TMCC3: variants seen among roughly 807,000 people sequenced by gnomAD.
TMCC3 encodes the protein transmembrane and coiled-coil domain protein 3.
In TMCC3, 28 loss-of-function variants were observed where a neutral mutation model predicts 40.2. The ratio of observed to expected loss-of-function variants is 0.70; its 90% confidence interval spans 0.52 to 0.95. TMCC3 has a LOEUF of 0.95. TMCC3 is among the 40% of genes least tolerant of loss of function. The pLI, the probability that TMCC3 is intolerant of heterozygous loss-of-function variation, is 0.00. For synonymous variants in TMCC3, 255 were observed against 248.5 expected (o/e 1.03, Z -0.25); for missense variants, 554 against 615.2 (o/e 0.90, Z 1.05).
chr12:94,622,852 G>T (rs1459904277), intron 1 of TMCC3, among the ~76,000 whole-genome samples: 1 of 151,582 alleles, frequency 6.6e-6, no homozygotes, highest in African/African-American at 2.4e-5. Flanking sequence ...AGGCAAAGAG[G>T]CTCCAAAAAA....
intron 1 of TMCC3, among the ~76,000 whole-genome samples, chr12:94,629,030 T>A (rs1005975434): frequency 1.3e-5 from 2 of 152,194 alleles, no homozygotes; most frequent in East Asian, 3.8e-4. Flanking sequence ...CAATTAACAT[T>A]CCTGTTCCTC....
intron 1 of TMCC3, among the ~76,000 whole-genome samples, chr12:94,634,009 G>A (rs1290907): frequency 0.44 from 65,939 of 150,360 alleles, 15,042 homozygotes; most frequent in Non-Finnish European, 0.51. Context: ...ACAATGGTGT[G>A]ACCTCAGCTC....
At chr12:94,622,599 G>C (rs1301690679) in intron 1 of TMCC3, among the ~76,000 whole-genome samples, 4 of 152,118 alleles carry the variant, frequency 2.6e-5, no homozygotes, top group Admixed American at 6.6e-5. Context: ...TGTCGACTCA[G>C]GAAACCTTTC....
chr12:94,617,041 A>C (rs998746496), intron 1 of TMCC3, among the ~76,000 whole-genome samples: 1 of 152,188 alleles, frequency 6.6e-6, no homozygotes, highest in Non-Finnish European at 1.5e-5. Flanking sequence ...TGAGAGGTCT[A>C]TGAAGGAGGT....
chr12:94,582,298 G>A lies in TMCC3; in HGVS notation c.319C>T (p.Gln107Ter). ...AAGACTTGCTTGATACGTCCCGCCT[G>A]CTGCTTGTCTGCGTTGTTCACTAGT... The part of the protein sequence containing the change: ...LKLVNNADKQ[Q>*]AGRIKQVFEK... The change falls in exon 2 of 4, where the codon CAG (glutamine) becomes TAG (stop). Residue 107 changes from glutamine (Q) to a stop codon, truncating the protein, a stop_gained. Transcript: ENST00000261226. LOFTEE classifies it high-confidence loss of function. 1 of 1,614,012 alleles carries A rather than the reference G, an allele frequency of 6.2e-7. No individual in the cohort carries two copies. Among genetic ancestry groups the A allele is most frequent in the Non-Finnish European group, 8.5e-7 (1 of 1,180,006 alleles).
At chr12:94,608,222 A>T (rs2068794840) in intron 1 of TMCC3, among the ~76,000 whole-genome samples, 2 of 152,246 alleles carry the variant, frequency 1.3e-5, no homozygotes, top group South Asian at 4.1e-4. Context: ...GACAAGCGTA[A>T]TTAGACAAGA....
chr12:94,606,805 G>A (rs2068786334), intron 1 of TMCC3, among the ~76,000 whole-genome samples: 2 of 152,114 alleles, frequency 1.3e-5, no homozygotes, highest in Non-Finnish European at 2.9e-5. Context: ...ATGCTTCAAA[G>A]GGCAATAAAG....
At chr12:94,594,818 G>C (rs1192214067) in intron 1 of TMCC3, among the ~76,000 whole-genome samples, 5 of 152,090 alleles carry the variant, frequency 3.3e-5, no homozygotes, top group Non-Finnish European at 1.5e-5. Context: ...AAACACACAG[G>C]GTGGGCCTTC....
Position 94,572,328 on chromosome 12 carries a change from TG to T in TMCC3, c.1132-592del, listed in dbSNP as rs762277471. ...CATCTTTTTTTTTTTTTTTTTTTTTTGAGACAGAGTTTCACTCTGTCACCCA... is the reference window on the plus strand; with the variant it reads ...CATCTTTTTTTTTTTTTTTTTTTTTTAGACAGAGTTTCACTCTGTCACCCA... On this transcript the variant is annotated intron_variant, in intron 3 of 3. Transcript: ENST00000261226. 8.7e-4 allele frequency among the ~76,000 whole-genome samples: 91 copies of T among 104,108 alleles called. 1 individual carries two copies. The highest frequency in any genetic ancestry group is 2.5e-3 in the African/African-American group (64 of 25,752). The allele number at this position is 104,108 out of a possible 152,430, so 68.3% of individuals were successfully genotyped here. A position where few individuals can be genotyped will look rare whatever the true frequency, so the allele number is the denominator to read the frequency against.
At chr12:94,642,152 T>G (rs2068994353) in intron 1 of TMCC3, among the ~76,000 whole-genome samples, 1 of 152,126 alleles carries the variant, frequency 6.6e-6, no homozygotes, top group African/African-American at 2.4e-5. Flanking sequence ...CCCTATAACT[T>G]AGCAATTAAT....
intron 1 of TMCC3, among the ~76,000 whole-genome samples, chr12:94,635,311 T>C (rs562321858): frequency 2.5e-4 from 38 of 152,296 alleles, no homozygotes; most frequent in African/African-American, 8.2e-4. Flanking sequence ...GCAGAAGCAG[T>C]AGTCCTGTGA....
intron 1 of TMCC3, among the ~76,000 whole-genome samples, chr12:94,642,344 AC>A (rs2068995101): frequency 6.6e-6 from 1 of 152,210 alleles, no homozygotes; most frequent in Non-Finnish European, 1.5e-5. Flanking sequence ...TTCCAGTTCT[AC>A]CATGGTAAAA....
intron 1 of TMCC3, among the ~76,000 whole-genome samples, chr12:94,614,749 A>G (rs2068838202): frequency 6.6e-6 from 1 of 151,436 alleles, no homozygotes; most frequent in South Asian, 2.1e-4. Flanking sequence ...TCTTTTTTTA[A>G]ACAACAGACA....
intron 3 of TMCC3, among the ~76,000 whole-genome samples, chr12:94,577,044 A>G (rs1032613964): frequency 1.3e-5 from 2 of 152,162 alleles, no homozygotes; most frequent in Admixed American, 6.5e-5. Flanking sequence ...AAGTGGGGAT[A>G]ATAACAGAAA....
At chr12:94,606,526 C>T (rs1452117392) in intron 1 of TMCC3, among the ~76,000 whole-genome samples, 1 of 152,032 alleles carries the variant, frequency 6.6e-6, no homozygotes, top group Non-Finnish European at 1.5e-5. Context: ...ACCACCATGC[C>T]TGGCTAATTT....
intron 1 of TMCC3, among the ~76,000 whole-genome samples, chr12:94,591,667 G>A (rs1039705696): frequency 1.3e-5 from 2 of 152,224 alleles, no homozygotes; most frequent in African/African-American, 4.8e-5. Flanking sequence ...GAGGCACGAG[G>A]GTCAAGAGCC....
chr12:94,650,514 G>A lies in TMCC3; in HGVS notation c.-84C>T. On this transcript the variant is annotated 5_prime_UTR_variant, in exon 1 of 4. Coordinates refer to ENST00000261226, the MANE Select transcript of TMCC3 (RefSeq NM_020698.4). ...GGCTGTGCTCGGGATCACCCTGGGAGCCGCGGGCGAGGGGGCGGCGCGGCT... is the reference window on the plus strand; with the variant it reads ...GGCTGTGCTCGGGATCACCCTGGGAACCGCGGGCGAGGGGGCGGCGCGGCT... 11 of 1,114,014 alleles carry A rather than the reference G, an allele frequency of 9.9e-6. No homozygotes were observed. The highest frequency in any genetic ancestry group is 1.1e-5 in the Non-Finnish European group (10 of 888,676). The allele number at this position is 1,114,014 out of a possible 1,614,324, so 69.0% of individuals were successfully genotyped here.
intron 3 of TMCC3, among the ~76,000 whole-genome samples, chr12:94,577,391 T>C (rs2068572100): frequency 6.6e-6 from 1 of 152,076 alleles, no homozygotes; most frequent in Non-Finnish European, 1.5e-5. Context: ...GGTTTCACCT[T>C]GTTAGCCAGG....
At chr12:94,583,568 A>G (rs1010421993) in intron 1 of TMCC3, among the ~76,000 whole-genome samples, 4 of 152,204 alleles carry the variant, frequency 2.6e-5, no homozygotes, top group African/African-American at 9.7e-5. Flanking sequence ...TTTCTCACTC[A>G]AGGGCCATTT....
Sources: gnomAD v4.1 joint callset for allele counts (sites outside exome capture counted in the v4.1 genomes callset) on GRCh38, gnomAD v4.1.1 for gene constraint, MANE v1.5 for transcripts, NCBI Gene and HGNC (gene_info 2026-07-23, HGNC 2026-07-21) for gene names.